CALCR: variants seen among roughly 807,000 people sequenced by gnomAD.
The protein encoded by CALCR is calcitonin receptor.
A neutral mutation model predicts 59.5 loss-of-function variants in CALCR; 47 were observed. That is an observed-to-expected ratio of 0.79 (90% confidence interval 0.63 to 1.01). CALCR has a LOEUF of 1.01. CALCR is among the 50% of genes least tolerant of loss of function. The pLI, the probability that CALCR is intolerant of heterozygous loss-of-function variation, is 0.00. For synonymous variants in CALCR, 213 were observed against 211.3 expected, an observed-to-expected ratio of 1.01 and a Z score of -0.07; for missense variants, 566 against 597.1, an observed-to-expected ratio of 0.95 and a Z score of 0.54.
chr7:93,519,934 T>G (rs1801726244), intron 2 of CALCR, among the ~76,000 whole-genome samples: 1 of 152,042 alleles, frequency 6.6e-6, no homozygotes, highest in Non-Finnish European at 1.5e-5. Flanking sequence ...GTGAGTCAAT[T>G]AAACCTCTTT....
At chr7:93,514,574 C>T (rs1168159457) in intron 2 of CALCR, among the ~76,000 whole-genome samples, 2 of 151,940 alleles carry the variant, frequency 1.3e-5, no homozygotes, top group African/African-American at 4.8e-5. Flanking sequence ...GTTGACGCCA[C>T]TCTATTGCTG....
At position 93,477,622 on chromosome 7, in the gene CALCR, G is replaced by T; in HGVS notation, c.252C>A (p.Asp84Glu). The T allele has an allele frequency of 4.3e-6, 7 of 1,611,548 alleles. No homozygotes were observed. Among genetic ancestry groups the T allele is most frequent in the Non-Finnish European group, 5.9e-6 (7 of 1,178,472 alleles). Reference protein sequence around the residue: ...RTWDGWLCWDDTPAGVLSYQF... With the variant: ...RTWDGWLCWDETPAGVLSYQF... ...GATAGGACAATACTCCAGCCGGTGT[G>T]TCATCCCAGCACAGCCATCCATCCC... Residue 84 changes from aspartate (D) to glutamate (E), a missense_variant, in exon 5 of 14, where the codon GAC (aspartate) becomes GAA (glutamate). Physicochemically the swap from Asp to Glu is conservative, Grantham distance 45 (BLOSUM62 2). Coordinates refer to ENST00000426151, the MANE Select transcript of CALCR (RefSeq NM_001742.4).
chr7:93,499,768 G>A (rs1801283797), intron 2 of CALCR, among the ~76,000 whole-genome samples: 1 of 151,842 alleles, frequency 6.6e-6, no homozygotes, highest in Admixed American at 6.6e-5. Flanking sequence ...ATCTTACACA[G>A]GAGACTTACT....
Position 93,426,192 on chromosome 7 carries a change from G to T in CALCR, c.*164C>A. On this transcript the variant is annotated 3_prime_UTR_variant, in exon 14 of 14. Coordinates refer to ENST00000426151, the MANE Select transcript of CALCR (RefSeq NM_001742.4). ...TCCTAGACTGTCTCCCAAAGCAACA[G>T]TACCAAGAATAACTTTCTTCAGATT... The T allele has an allele frequency of 1.7e-6, 1 of 581,902 alleles. No homozygotes were observed. The highest frequency in any genetic ancestry group is 3.1e-6 in the Non-Finnish European group (1 of 327,312). The allele number at this position is 581,902 out of a possible 1,614,324, so 36.0% of individuals were successfully genotyped here.
intron 2 of CALCR, among the ~76,000 whole-genome samples, chr7:93,493,527 T>G (rs1424113503): frequency 6.6e-6 from 1 of 151,360 alleles, no homozygotes; most frequent in Non-Finnish European, 1.5e-5. Flanking sequence ...TTCTCTTCAG[T>G]TCCCTGGCAA....
At chr7:93,534,342 A>G (rs1343697077) in intron 2 of CALCR, among the ~76,000 whole-genome samples, 1 of 151,784 alleles carries the variant, frequency 6.6e-6, no homozygotes, top group Non-Finnish European at 1.5e-5. Flanking sequence ...AAGTAAATGG[A>G]TGAGCTGAGA....
intron 5 of CALCR, among the ~76,000 whole-genome samples, chr7:93,476,235 A>G (rs758288412): frequency 6.6e-6 from 1 of 151,808 alleles, no homozygotes; most frequent in Admixed American, 6.6e-5. Flanking sequence ...TTTGCTTTTT[A>G]CATTCCAGCA....
chr7:93,557,831 T>C (rs1173932608), intron 2 of CALCR, among the ~76,000 whole-genome samples: 3 of 152,022 alleles, frequency 2.0e-5, no homozygotes, highest in Non-Finnish European at 4.4e-5. Flanking sequence ...AATATGTTCC[T>C]AGACTCCATT....
chr7:93,532,838 C>CAAAAAAAAAAA lies in CALCR; in HGVS notation c.-27+41440_-27+41450dup, dbSNP rs57128008. ...TAGCCTTGATTCCTCATGTCCAAAG[C>CAAAAAAAAAAA]AAAAAAAAAAAAAAAAAAAAAAAAA... On this transcript the variant is annotated intron_variant, in intron 2 of 13. Coordinates refer to ENST00000426151, the MANE Select transcript of CALCR (RefSeq NM_001742.4). 8.3e-4 allele frequency among the ~76,000 whole-genome samples: 79 copies of CAAAAAAAAAAA among 95,668 alleles called. 2 individuals are homozygous for CAAAAAAAAAAA. Among genetic ancestry groups the CAAAAAAAAAAA allele is most frequent in the African/African-American group, 1.9e-3 (37 of 19,926 alleles). The allele number at this position is 95,668 out of a possible 152,430, so 62.8% of individuals were successfully genotyped here.
intron 7 of CALCR, chr7:93,462,152 A>G: frequency 8.9e-7 from 1 of 1,125,826 alleles, no homozygotes; most frequent in South Asian, 1.4e-5. Context: ...CAGCTGTTAG[A>G]GCATATTTTA....
intron 4 of CALCR, 70 bp downstream of exon 4, chr7:93,479,284 T>C: frequency 7.0e-7 from 1 of 1,428,312 alleles, no homozygotes; most frequent in South Asian, 1.4e-5. Flanking sequence ...ATTCAACACA[T>C]ATTTAACCAC....
chr7:93,468,192 A>T (rs1800479412), intron 7 of CALCR, among the ~76,000 whole-genome samples: 1 of 151,862 alleles, frequency 6.6e-6, no homozygotes, highest in African/African-American at 2.4e-5. Context: ...GCTTTCAAGC[A>T]TAATTGTGCA....
intron 8 of CALCR, among the ~76,000 whole-genome samples, chr7:93,459,436 C>CT (rs111824620): frequency 0.062 from 9,414 of 152,158 alleles, 932 homozygotes; most frequent in African/African-American, 0.21. Flanking sequence ...CTCCAAAATC[C>CT]TTTTTAGTTC....
At chr7:93,450,108 C>A (rs974177197) in intron 8 of CALCR, among the ~76,000 whole-genome samples, 5 of 151,954 alleles carry the variant, frequency 3.3e-5, no homozygotes, top group Non-Finnish European at 7.4e-5. Flanking sequence ...TTTCACTTTA[C>A]AACATAAAAG....
chr7:93,453,349 T>C (rs1800147115), intron 8 of CALCR, among the ~76,000 whole-genome samples: 2 of 152,036 alleles, frequency 1.3e-5, no homozygotes, highest in African/African-American at 4.8e-5. Context: ...CACAGTTAGG[T>C]TAAGTAACTT....
chr7:93,490,761 A>G (rs892919791), intron 2 of CALCR, among the ~76,000 whole-genome samples: 1 of 152,034 alleles, frequency 6.6e-6, no homozygotes, highest in Non-Finnish European at 1.5e-5. Flanking sequence ...AAGAGATTAC[A>G]CAAACAAATG....
In CALCR at chr7:93,454,090, A is replaced by T. The variant is rs1800160618; in HGVS notation, c.648+6731T>A. On this transcript the variant is annotated intron_variant, in intron 8 of 13. Coordinates refer to ENST00000426151, the MANE Select transcript of CALCR (RefSeq NM_001742.4). ...TTCAATCTGGTTTTATTTACCATTG[A>T]CCTCTCATCTCAAAAACTCTGCTAT... Among the ~76,000 whole-genome samples, 3 of 151,562 alleles carry T rather than the reference A, an allele frequency of 2.0e-5. No individual in the cohort carries two copies. The South Asian group carries it at 6.3e-4, about 32-fold the overall frequency.
chr7:93,440,738 A>G (rs944157464), intron 9 of CALCR, among the ~76,000 whole-genome samples: 2 of 152,128 alleles, frequency 1.3e-5, no homozygotes, highest in Non-Finnish European at 2.9e-5. Flanking sequence ...TCTGCCCTCT[A>G]AACAGATTTT....
chr7:93,552,156 T>C (rs968013983), intron 2 of CALCR, among the ~76,000 whole-genome samples: 1 of 152,190 alleles, frequency 6.6e-6, no homozygotes, highest in South Asian at 2.1e-4. Context: ...CTGAGTGATC[T>C]TGGGCATTGT....
Sources: allele counts gnomAD v4.1 joint callset (sites outside exome capture counted in the v4.1 genomes callset), GRCh38; gene constraint gnomAD v4.1.1; transcripts MANE v1.5; gene names NCBI Gene and HGNC (gene_info 2026-07-23, HGNC 2026-07-21).